Variants in MDN1 observed in about 807,000 individuals in gnomAD.
MDN1 encodes midasin AAA ATPase 1, also known as midasin.
A neutral mutation model predicts 669.2 loss-of-function variants in MDN1; 266 were observed. The ratio of observed to expected loss-of-function variants is 0.40; its 90% CI spans 0.36 to 0.44. MDN1 has a LOEUF of 0.44. MDN1 is among the 20% of genes least tolerant of loss of function. The pLI, the probability that MDN1 is intolerant of heterozygous loss-of-function variation, is 1.00. For missense variants in MDN1, 5,940 were observed against 6,754.0 expected (o/e 0.88, Z 4.22); for synonymous variants, 2,385 against 2,457.1 (o/e 0.97, Z 0.87).
chr6:89,703,729 G>A (rs1813327022), intron 53 of MDN1, among the ~76,000 whole-genome samples: 1 of 151,974 alleles, frequency 6.6e-6, no homozygotes, highest in Admixed American at 6.6e-5. Context: ...AAACAATTGA[G>A]AGGCCAGGTG....
rs775858592 is a variant in MDN1 at position 89,672,730 on chromosome 6, C to T, written c.13475-28G>A. Reference sequence around the variant, plus strand: ...AGCAGGTAACATGGTGCAAAACAAACATACAAACAAAAGACACCAATCATT... The same window carrying T: ...AGCAGGTAACATGGTGCAAAACAAATATACAAACAAAAGACACCAATCATT... On this transcript the variant is annotated intron_variant, in intron 80 of 101. Transcript: ENST00000369393. 7 of 1,606,708 alleles carry T rather than the reference C, an allele frequency of 4.4e-6. No individual in the cohort carries two copies. The East Asian group carries it at 1.3e-4, about 31-fold the overall frequency.
chr6:89,717,636 TGA>T (rs2128312958), intron 43 of MDN1, among the ~76,000 whole-genome samples: 1 of 152,290 alleles, frequency 6.6e-6, no homozygotes, highest in Admixed American at 6.5e-5. Flanking sequence ...TTAGAGTGAA[TGA>T]GTAAAGGATT....
In MDN1 at chr6:89,680,782, G is replaced by A. The variant is rs186678666; in HGVS notation, c.12103-31C>T. 7.5e-6 allele frequency: 12 copies of A among 1,602,990 alleles called. No homozygotes were observed. The East Asian group carries it at 2.5e-4, about 33-fold the overall frequency. On this transcript the variant is annotated intron_variant, in intron 73 of 101. Coordinates refer to ENST00000369393, the MANE Select transcript of MDN1 (RefSeq NM_014611.3). ...AGACAAAAGACAGGTTAGCCTCACT[G>A]CCAAGAATGACAGGCAGTGTCCCTG...
At chr6:89,805,937 T>C (rs1260284728) in intron 1 of MDN1, among the ~76,000 whole-genome samples, 1 of 152,038 alleles carries the variant, frequency 6.6e-6, no homozygotes, top group Non-Finnish European at 1.5e-5. Flanking sequence ...CCTCTAAAGA[T>C]ACCTTTTTTT....
chr6:89,658,319 A>G lies in MDN1; in HGVS notation c.15073T>C (p.Leu5025=). Reference sequence around the variant, plus strand: ...CAGGAGGCATGCTCCTTCCTCTCCAAAGCCTCTGGCACCTGCTCCTCTGTA... The same window carrying G: ...CAGGAGGCATGCTCCTTCCTCTCCAGAGCCTCTGGCACCTGCTCCTCTGTA... The part of the protein sequence containing the change: ...SDTEEQVPEA[L]ERKEHASCGQ... The change falls in exon 90 of 102, where the codon TTG becomes CTG. Residue 5025 remains leucine, a synonymous_variant. Transcript: ENST00000369393. 1 of 1,614,020 alleles carries G rather than the reference A, an allele frequency of 6.2e-7. No individual in the cohort carries two copies.
intron 82 of MDN1, 25 bp from the exon 83 acceptor site, chr6:89,671,105 C>T: frequency 6.2e-7 from 1 of 1,607,350 alleles, no homozygotes; most frequent in Non-Finnish European, 8.5e-7. Flanking sequence ...AAACAAAAGG[C>T]CTGCTCACAC....
chr6:89,713,301 T>TA lies in MDN1; in HGVS notation c.7070-6dup, dbSNP rs554479820. ...ATACAGAAGATGTTGGAGAACCTAT[T>TA]AAAAAAAAATTGCCATCTATAAACA... is the stretch of plus-strand genomic sequence containing the variant. On this transcript the variant is annotated splice_region_variant and splice_polypyrimidine_tract_variant and intron_variant, in intron 46 of 101. Coordinates refer to ENST00000369393, the MANE Select transcript of MDN1 (RefSeq NM_014611.3). The TA allele has an allele frequency of 1.3e-4, 206 of 1,593,332 alleles. 1 individual carries two copies. The highest frequency in any genetic ancestry group is 1.9e-4 in the South Asian group (17 of 88,866).
At chr6:89,792,672 TA>T (rs1228761386) in intron 5 of MDN1, among the ~76,000 whole-genome samples, 1 of 139,512 alleles carries the variant, frequency 7.2e-6, no homozygotes, top group East Asian at 2.1e-4. Context: ...TATTACATTT[TA>T]ATTTTTTTTT....
At chr6:89,784,819 T>C (rs1303901737) in intron 9 of MDN1, among the ~76,000 whole-genome samples, 193 bp downstream of exon 9, 1 of 152,212 alleles carries the variant, frequency 6.6e-6, no homozygotes, top group Admixed American at 6.5e-5. Context: ...TTTTAAGAGA[T>C]GTATGCTGGG....
intron 11 of MDN1, among the ~76,000 whole-genome samples, chr6:89,779,333 T>C (rs1818524261): frequency 6.6e-6 from 1 of 152,218 alleles, no homozygotes; most frequent in African/African-American, 2.4e-5. Context: ...TTTACCGCTA[T>C]GATTTGGTCT....
chr6:89,723,748 G>C (rs1472246860), intron 38 of MDN1, 129 bp from the exon 39 acceptor site: 1 of 484,622 alleles, frequency 2.1e-6, no homozygotes, highest in African/African-American at 2.0e-5. Context: ...ATAATTTTCA[G>C]TTATAGAAAT....
intron 7 of MDN1, among the ~76,000 whole-genome samples, chr6:89,788,325 G>A (rs571926436): frequency 1.3e-5 from 2 of 152,302 alleles, no homozygotes; most frequent in Non-Finnish European, 2.9e-5. Context: ...AGGGGGTTCT[G>A]AATCAGGATA....
rs1287316746 is a variant in MDN1, at chr6:89,683,225, C to T, written c.12009G>A (p.Arg4003=). 1 of 1,614,156 alleles carries T rather than the reference C, an allele frequency of 6.2e-7. No homozygotes were observed. Among genetic ancestry groups the T allele is most frequent in the Non-Finnish European group, 8.5e-7 (1 of 1,180,032 alleles). Residue 4003 remains arginine (R), a synonymous_variant, in exon 73 of 102, where the codon AGG becomes AGA. Coordinates refer to ENST00000369393, the MANE Select transcript of MDN1 (RefSeq NM_014611.3). ...DKEEQPDFLP[R]PTDGAASELS... is the part of the protein sequence containing the mutation. ...GTTCACTTGCAGCTCCATCTGTTGG[C>T]CTGGGCAAAAAGTCAGGCTGTTCTT...
In MDN1 at chr6:89,674,173, G is replaced by A. The variant is rs769263914; in HGVS notation, c.13178C>T (p.Thr4393Ile). 13 of 1,614,064 alleles carry A rather than the reference G, an allele frequency of 8.1e-6. No individual in the cohort carries two copies. In the South Asian group the frequency reaches 1.3e-4, roughly 16 times the overall value. ...GACGTCAGCTTTCACTGTTTTAATG[G>A]TTTTTAGCATCTCTGTTAATCTCGT... ...STTRLTEMLK[T>I]IKTVKADVDK... The change falls in exon 79 of 102, where the codon ACC becomes ATC. Residue 4393 changes from threonine to isoleucine, a missense_variant. Coordinates refer to ENST00000369393, the MANE Select transcript of MDN1 (RefSeq NM_014611.3).
chr6:89,696,781 C>T (rs1812782179), intron 59 of MDN1, among the ~76,000 whole-genome samples: 1 of 152,096 alleles, frequency 6.6e-6, no homozygotes, highest in Non-Finnish European at 1.5e-5. Context: ...GCAATGGATG[C>T]TTTAGTAATG....
intron 8 of MDN1, among the ~76,000 whole-genome samples, chr6:89,785,679 A>C (rs760429196): frequency 6.6e-6 from 1 of 152,248 alleles, no homozygotes; most frequent in Non-Finnish European, 1.5e-5. Flanking sequence ...TAAATGGAAG[A>C]GAAGGAAAGA....
In MDN1 at chr6:89,650,841, C is replaced by A; in HGVS notation, c.15922G>T (p.Val5308Phe). 2 of 1,613,594 alleles carry A rather than the reference C, an allele frequency of 1.2e-6. No homozygotes were observed. The highest frequency in any genetic ancestry group is 1.7e-6 in the Non-Finnish European group (2 of 1,179,554). Reference sequence around the variant, plus strand: ...TAACTCTGCCACATCTCAGCTGCAACCTTCTCCTGTGACAACAACAAAATG... The same window carrying A: ...TAACTCTGCCACATCTCAGCTGCAAACTTCTCCTGTGACAACAACAAAATG... ...RESGNPEEEK[V>F]AAEMWQSYLI... The change falls in exon 96 of 102, where the codon GTT becomes TTT. Residue 5308 changes from valine (V) to phenylalanine (F), a missense_variant. Transcript: ENST00000369393.
In MDN1 at chr6:89,695,938, T is replaced by G. The variant is rs762731336; in HGVS notation, c.9438A>C (p.Leu3146=). 1 of 1,612,252 alleles carries G rather than the reference T, an allele frequency of 6.2e-7. No homozygotes were observed. Among genetic ancestry groups the G allele is most frequent in the East Asian group, 2.2e-5 (1 of 44,870 alleles). The change falls in exon 61 of 102, where the codon CTA becomes CTC. Residue 3146 remains leucine, a synonymous_variant. Transcript: ENST00000369393. The surrounding 1 kb of genome is among the most constrained non-coding windows in gnomAD (Gnocchi z 4.1). The part of the protein sequence containing the change: ...GQVLFRHLAG[L]AELLPESRRQ... ...GCCGGGACTCTGGGAGCAGCTCTGCTAGGCCTGCCAGGTGCCGGAACAGCA... is the reference window on the plus strand; with the variant it reads ...GCCGGGACTCTGGGAGCAGCTCTGCGAGGCCTGCCAGGTGCCGGAACAGCA...
At chr6:89,812,387 C>T (rs1175544254) in intron 1 of MDN1, among the ~76,000 whole-genome samples, 1 of 151,956 alleles carries the variant, frequency 6.6e-6, no homozygotes, top group Admixed American at 6.6e-5. Context: ...CCACTGCACC[C>T]GGCCAGGAAA....
Sources: allele counts gnomAD v4.1 joint callset (sites outside exome capture counted in the v4.1 genomes callset), GRCh38; gene constraint gnomAD v4.1.1; non-coding constraint Gnocchi (gnomAD v3.1); transcripts MANE v1.5; gene names NCBI Gene and HGNC (gene_info 2026-07-23, HGNC 2026-07-21).